DCAF13: variants seen among roughly 807,000 people sequenced by gnomAD.
DCAF13 encodes DDB1- and CUL4-associated factor 13.
Under a neutral mutation model 59.0 loss-of-function variants are expected in DCAF13, and 38 were observed. The observed-to-expected ratio is 0.64, with a 90% CI of 0.50 to 0.84. The LOEUF is 0.84. DCAF13 is among the 40% of genes least tolerant of loss of function. The pLI is 0.00. For missense variants in DCAF13, 469 were observed against 558.4 expected (o/e 0.84, Z 1.61); for synonymous variants, 173 against 175.0 (o/e 0.99, Z 0.09).
At chr8:103,431,329 T>G (rs1816862334) in intron 6 of DCAF13, among the ~76,000 whole-genome samples, 1 of 152,208 alleles carries the variant, frequency 6.6e-6, no homozygotes, top group South Asian at 2.1e-4. Flanking sequence ...GGTATAAAGT[T>G]TATTTCAGGT....
chr8:103,426,219 C>T, intron 4 of DCAF13, 74 bp downstream of exon 4: 4 of 886,476 alleles, frequency 4.5e-6, no homozygotes, highest in Non-Finnish European at 6.8e-6. Context: ...GTTATAATTT[C>T]CTAAGATGGG....
chr8:103,415,623 T>C, intron 1 of DCAF13, 107 bp downstream of exon 1: 1 of 1,126,298 alleles, frequency 8.9e-7, no homozygotes, highest in Non-Finnish European at 1.2e-6. Flanking sequence ...GGTCTGGTTC[T>C]TTCTCAGTTA....
intron 4 of DCAF13, 26 bp from the exon 5 acceptor site, chr8:103,427,071 T>G (rs1225582635): frequency 5.1e-6 from 8 of 1,553,702 alleles, no homozygotes; most frequent in Non-Finnish European, 6.9e-6. Flanking sequence ...ATGAAAAAAA[T>G]CCTCTTAACC....
intron 9 of DCAF13, chr8:103,441,217 A>G (rs1431535954): frequency 1.0e-5 from 4 of 401,472 alleles, no homozygotes; most frequent in African/African-American, 8.5e-5. Flanking sequence ...CTCCTTCAGC[A>G]CTGCTGCTTT....
Position 103,426,466 on chromosome 8 carries a change from T to G in DCAF13, c.468+321T>G, listed in dbSNP as rs186794702. ...AGTTCAGAAAATGCTTCAGCTTGTC[T>G]AGTTGATGTCATCATAGATCTTACA... On this transcript the variant is annotated intron_variant, in intron 4 of 10. Transcript: ENST00000612750. Among the ~76,000 whole-genome samples, 30 of 152,200 alleles carry G rather than the reference T, an allele frequency of 2.0e-4. No homozygotes were observed. The East Asian group carries it at 5.0e-3, about 25-fold the overall frequency.
chr8:103,421,486 G>T (rs1816722051), intron 3 of DCAF13, among the ~76,000 whole-genome samples: 1 of 152,122 alleles, frequency 6.6e-6, no homozygotes, highest in African/African-American at 2.4e-5. Flanking sequence ...ATACAGTTTG[G>T]TGGCATCCAG....
intron 1 of DCAF13, 83 bp downstream of exon 1, chr8:103,415,599 G>T (rs924628206): frequency 7.3e-7 from 1 of 1,361,556 alleles, no homozygotes; most frequent in Non-Finnish European, 1.0e-6. Flanking sequence ...AAAGCCGGGG[G>T]AGGCTGGCAC....
chr8:103,418,630 G>A (rs1816661324), intron 1 of DCAF13, among the ~76,000 whole-genome samples: 1 of 151,288 alleles, frequency 6.6e-6, no homozygotes, highest in Admixed American at 6.6e-5. Context: ...TTGAGTTTTG[G>A]TAGTAGGGAA....
chr8:103,440,019 GT>G, intron 8 of DCAF13, 116 bp from the exon 9 acceptor site: 1 of 788,792 alleles, frequency 1.3e-6, no homozygotes. Flanking sequence ...AAGAATTTGA[GT>G]TTTTATTTTA....
chr8:103,419,044 C>A (rs910651812), intron 1 of DCAF13, among the ~76,000 whole-genome samples: 1 of 150,552 alleles, frequency 6.6e-6, no homozygotes, highest in African/African-American at 2.4e-5. Context: ...CCACCCCCAC[C>A]GCTGGCTAAC....
chr8:103,425,724 T>A (rs2130482292), intron 3 of DCAF13, among the ~76,000 whole-genome samples: 1 of 152,332 alleles, frequency 6.6e-6, no homozygotes, highest in Non-Finnish European at 1.5e-5. Flanking sequence ...TTTTTTTGAA[T>A]GACTAACCAG....
chr8:103,425,843 C>T (rs369209800), intron 3 of DCAF13, among the ~76,000 whole-genome samples: 1 of 151,976 alleles, frequency 6.6e-6, no homozygotes, highest in Non-Finnish European at 1.5e-5. Flanking sequence ...TTCTTTTGCT[C>T]TACTCATTAT....
intron 10 of DCAF13, 164 bp downstream of exon 10, chr8:103,441,782 T>C: frequency 5.7e-6 from 1 of 175,280 alleles, no homozygotes. Flanking sequence ...TTCTTTTTTC[T>C]TTTTTTTTTT....
intron 9 of DCAF13, 70 bp downstream of exon 9, chr8:103,440,341 A>C (rs1816993438): frequency 3.8e-5 from 52 of 1,374,528 alleles, no homozygotes; most frequent in Non-Finnish European, 4.7e-5. Flanking sequence ...ACATTATGAA[A>C]ATTTACTTTT....
rs1816789852 is a variant in DCAF13 at position 103,426,113 on chromosome 8, G to GGA, written c.436_437insGA (p.Glu146GlyfsTer10). ...AATGGATGGGCCAGGCTATGGAGAC[G>GGA]AGGAAGAGCCATTACATACAATATT... On this transcript the variant is annotated frameshift_variant, in exon 4 of 11. Transcript: ENST00000612750. LOFTEE classifies it high-confidence loss of function. 1 of 1,611,888 alleles carries GGA rather than the reference G, an allele frequency of 6.2e-7. No homozygotes were observed. The highest frequency in any genetic ancestry group is 1.3e-5 in the African/African-American group (1 of 74,844).
At position 103,421,334 on chromosome 8, in the gene DCAF13, A is replaced by C; in HGVS notation, c.378+252A>C. On this transcript the variant is annotated intron_variant, in intron 3 of 10. Coordinates refer to ENST00000612750, the MANE Select transcript of DCAF13 (RefSeq NM_015420.7). ...ATTAATGAGAGGTAAGTCTAGAAAG[A>C]GTTTGGCTTACTCTGGAGGATTTTT... The C allele has an allele frequency of 5.2e-6, 3 of 575,454 alleles. No individual in the cohort carries two copies. In the Middle Eastern group the frequency reaches 8.0e-4, roughly 154 times the overall value. The allele number at this position is 575,454 out of a possible 1,614,324, so 35.6% of individuals were successfully genotyped here.
Position 103,420,358 on chromosome 8 carries a change from A to G in DCAF13, c.165A>G (p.Ala55=), listed in dbSNP as rs1261204442. 3.1e-6 allele frequency: 5 copies of G among 1,614,244 alleles called. No individual in the cohort carries two copies. Among genetic ancestry groups the G allele is most frequent in the Non-Finnish European group, 8.5e-7 (1 of 1,180,046 alleles). The change falls in exon 2 of 11, where the codon GCA becomes GCG. Residue 55 remains alanine (A), a synonymous_variant. Transcript: ENST00000612750. ...LNATKLERVF[A]KPFLASLDGH... Reference sequence around the variant, plus strand: ...CTACCAAACTGGAACGAGTATTTGCAAAACCATTCCTTGCTTCGCTGGATG... The same window carrying G: ...CTACCAAACTGGAACGAGTATTTGCGAAACCATTCCTTGCTTCGCTGGATG...
In DCAF13 at chr8:103,442,926, T is replaced by G; in HGVS notation, c.*44T>G. 7.3e-7 allele frequency: 1 copy of G among 1,365,356 alleles called. No homozygotes were observed. The highest frequency in any genetic ancestry group is 1.0e-6 in the Non-Finnish European group (1 of 985,986). The allele number at this position is 1,365,356 out of a possible 1,614,324, so 84.6% of individuals were successfully genotyped here. A position where few individuals can be genotyped will look rare whatever the true frequency, so the allele number is the denominator to read the frequency against. ...CTGATGTATAATTATTTGTTACTTT[T>G]GATTTGAGAACTCTACAAATAAAAG... On this transcript the variant is annotated 3_prime_UTR_variant, in exon 11 of 11. Transcript: ENST00000612750.
chr8:103,421,806 CT>C (rs1280908559), intron 3 of DCAF13, among the ~76,000 whole-genome samples: 3 of 152,184 alleles, frequency 2.0e-5, no homozygotes, highest in Non-Finnish European at 4.4e-5. Flanking sequence ...AATTTCCTTT[CT>C]TTTTATGGCT....
Sources: allele counts gnomAD v4.1 joint callset (sites outside exome capture counted in the v4.1 genomes callset), GRCh38; gene constraint gnomAD v4.1.1; transcripts MANE v1.5; gene names NCBI Gene and HGNC (gene_info 2026-07-23, HGNC 2026-07-21).